The following RBFOX1 variants were observed in gnomAD, a reference collection of about 807,000 sequenced individuals.
RBFOX1 encodes RNA binding fox-1 homolog 1, also known as RNA binding protein fox-1 homolog 1.
In RBFOX1, 8 loss-of-function variants were observed where a neutral mutation model predicts 57.7. The ratio of observed to expected loss-of-function variants is 0.14; its 90% CI spans 0.08 to 0.25. RBFOX1 has a LOEUF of 0.25. Among genes scored for constraint, RBFOX1 ranks in the 10% least tolerant of loss-of-function variants. RBFOX1 has a pLI of 1.00. For synonymous variants in RBFOX1, 326 were observed against 222.4 expected (o/e 1.47, Z -4.15); for missense variants, 611 against 548.5 (o/e 1.11, Z -1.14).
At chr16:5,849,974 A>T (rs2056852748) in intron 3 of RBFOX1, among the ~76,000 whole-genome samples, 1 of 152,182 alleles carries the variant, frequency 6.6e-6, no homozygotes, top group Admixed American at 6.5e-5. Flanking sequence ...TCATCTGCTC[A>T]CAGATGTTTG....
rs536076883 is a variant in RBFOX1, at chr16:7,650,577, CTT to C, written c.758-3237_758-3236del. On this transcript the variant is annotated intron_variant, in intron 11 of 15. Transcript: ENST00000550418. ...ACAGCACGTGCTCCCCTCTCTCTCT[CTT>C]GCCAAGCTTCTGTTTCATGTTATAT... 9.3e-4 allele frequency among the ~76,000 whole-genome samples: 140 copies of C among 150,726 alleles called. 2 individuals are homozygous for C. The highest frequency in any genetic ancestry group is 3.2e-3 in the African/African-American group (131 of 41,220).
intron 1 of RBFOX1, among the ~76,000 whole-genome samples, chr16:5,463,322 A>C (rs980576588): frequency 6.6e-6 from 1 of 152,160 alleles, no homozygotes; most frequent in Admixed American, 6.5e-5. Context: ...CAGTGGCATG[A>C]AGTGCGTTGC....
chr16:7,609,005 C>G (rs2056899138), intron 10 of RBFOX1, among the ~76,000 whole-genome samples: 1 of 152,114 alleles, frequency 6.6e-6, no homozygotes, highest in Admixed American at 6.5e-5. Context: ...ATTCAGGGGA[C>G]ACACAGAACA....
intron 4 of RBFOX1, among the ~76,000 whole-genome samples, chr16:7,128,186 A>T (rs752448619): frequency 7.2e-5 from 11 of 152,202 alleles, no homozygotes; most frequent in Admixed American, 7.2e-4. Flanking sequence ...AAATCCTCAA[A>T]GATTTTCTTT....
intron 3 of RBFOX1, among the ~76,000 whole-genome samples, chr16:5,675,527 C>T (rs1015718622): frequency 4.6e-5 from 7 of 152,162 alleles, no homozygotes; most frequent in African/African-American, 1.4e-4. Flanking sequence ...TTGGACCCAA[C>T]TTGGCCAGAT....
intron 3 of RBFOX1, among the ~76,000 whole-genome samples, chr16:5,836,569 T>G (rs1037210791): frequency 6.6e-6 from 1 of 152,242 alleles, no homozygotes; most frequent in Non-Finnish European, 1.5e-5. Context: ...CTGCCAGTTC[T>G]GCCTTCCAGG....
chr16:7,236,693 CT>C (rs766109760), intron 4 of RBFOX1, among the ~76,000 whole-genome samples: 5 of 149,512 alleles, frequency 3.3e-5, no homozygotes, highest in East Asian at 1.9e-4. Context: ...TTTACTTTTT[CT>C]TTTTTTTTTA....
chr16:5,936,352 G>A (rs529445218), intron 4 of RBFOX1, among the ~76,000 whole-genome samples: 1 of 152,298 alleles, frequency 6.6e-6, no homozygotes, highest in South Asian at 2.1e-4. Context: ...TCAAATGCCT[G>A]ACCTCAAGTG....
intron 3 of RBFOX1, among the ~76,000 whole-genome samples, chr16:7,005,475 G>C (rs1490102260): frequency 6.6e-6 from 1 of 152,170 alleles, no homozygotes; most frequent in African/African-American, 2.4e-5. Flanking sequence ...GACAGGAATG[G>C]GGAGAAGGAA....
At chr16:6,598,136 CCG>C (rs1398782324) in intron 2 of RBFOX1, among the ~76,000 whole-genome samples, 2 of 152,220 alleles carry the variant, frequency 1.3e-5, no homozygotes, top group African/African-American at 2.4e-5. Flanking sequence ...GTATCCACAT[CCG>C]TGTCTTCACA....
intron 1 of RBFOX1, among the ~76,000 whole-genome samples, chr16:5,283,795 TG>T (rs1197817514): frequency 6.6e-6 from 1 of 152,230 alleles, no homozygotes; most frequent in South Asian, 2.1e-4. Flanking sequence ...GGAAGGGATT[TG>T]CCTTGTGTCA....
At chr16:7,403,868 A>G in intron 4 of RBFOX1, among the ~76,000 whole-genome samples, 1 of 151,152 alleles carries the variant, frequency 6.6e-6, no homozygotes, top group East Asian at 2.0e-4. Flanking sequence ...TAATAGATGA[A>G]TAATATTCTA....
chr16:6,734,403 C>A (rs574356498), intron 3 of RBFOX1, among the ~76,000 whole-genome samples: 1 of 152,284 alleles, frequency 6.6e-6, no homozygotes, highest in South Asian at 2.1e-4. Context: ...TGAACACTGA[C>A]AATTATGTAG....
intron 3 of RBFOX1, among the ~76,000 whole-genome samples, chr16:7,014,943 C>G (rs954596877): frequency 1.3e-5 from 2 of 152,224 alleles, no homozygotes; most frequent in African/African-American, 4.8e-5. Context: ...CCAGGCTGGT[C>G]TCAAACTGCT....
intron 1 of RBFOX1, among the ~76,000 whole-genome samples, chr16:6,100,017 G>T (rs1009316641): frequency 1.3e-5 from 2 of 152,224 alleles, no homozygotes; most frequent in Admixed American, 6.5e-5. Flanking sequence ...CATGGAAGAT[G>T]TGACTTAGGA....
chr16:5,851,951 C>G (rs1017351406), intron 3 of RBFOX1, among the ~76,000 whole-genome samples: 1 of 152,174 alleles, frequency 6.6e-6, no homozygotes, highest in Admixed American at 6.5e-5. Context: ...GAATTAAAAG[C>G]TCCAGCCCAC....
chr16:6,999,405 G>T (rs143465013), intron 3 of RBFOX1, among the ~76,000 whole-genome samples: 1 of 150,430 alleles, frequency 6.6e-6, no homozygotes, highest in Non-Finnish European at 1.5e-5. Context: ...GAGTGATTTG[G>T]TGATACTTAA....
intron 3 of RBFOX1, among the ~76,000 whole-genome samples, chr16:6,656,599 G>GAA (rs1555659135): frequency 6.8e-6 from 1 of 146,312 alleles, no homozygotes; most frequent in Non-Finnish European, 1.5e-5. Flanking sequence ...GGGGAAAATA[G>GAA]ACACACACAC....
intron 1 of RBFOX1, among the ~76,000 whole-genome samples, chr16:6,284,736 G>A (rs747313368): frequency 6.6e-6 from 1 of 152,002 alleles, no homozygotes; most frequent in South Asian, 2.1e-4. Context: ...TGAAATCAGG[G>A]GAGAATGGAA....
Sources: gnomAD v4.1 joint callset for allele counts (sites outside exome capture counted in the v4.1 genomes callset) on GRCh38, gnomAD v4.1.1 for gene constraint, MANE v1.5 for transcripts, NCBI Gene and HGNC (gene_info 2026-07-23, HGNC 2026-07-21) for gene names.